Variants in CGNL1 observed in about 807,000 individuals in gnomAD.
CGNL1 encodes the protein cingulin like 1, also known as cingulin-like protein 1.
Under a neutral mutation model 141.2 loss-of-function variants are expected in CGNL1, and 132 were observed. The ratio of observed to expected loss-of-function variants is 0.93; its 90% CI spans 0.81 to 1.08. The LOEUF (loss-of-function observed/expected upper bound fraction) is 1.08. CGNL1 is among the 50% of genes least tolerant of loss of function. The probability of loss-of-function intolerance (pLI) is 0.00; values close to 1 mark genes in which losing one functional copy is unlikely to be tolerated. For synonymous variants in CGNL1, 690 were observed against 622.1 expected (o/e 1.11, Z -1.63); for missense variants, 1,870 against 1,588.6 (o/e 1.18, Z -3.01).
At chr15:57,403,487 C>G (rs2062681974) in intron 1 of CGNL1, among the ~76,000 whole-genome samples, 1 of 152,108 alleles carries the variant, frequency 6.6e-6, no homozygotes, top group African/African-American at 2.4e-5. Context: ...TTTACTGATG[C>G]CAAGGAGTTT....
At chr15:57,453,453 T>A (rs1271702978) in intron 6 of CGNL1, among the ~76,000 whole-genome samples, 2 of 152,132 alleles carry the variant, frequency 1.3e-5, no homozygotes, top group African/African-American at 4.8e-5. Flanking sequence ...CCATACCCAC[T>A]TTGTTGGTTT....
intron 9 of CGNL1, among the ~76,000 whole-genome samples, chr15:57,517,642 T>G (rs775221173): frequency 7.2e-5 from 11 of 152,210 alleles, no homozygotes; most frequent in Non-Finnish European, 1.6e-4. Flanking sequence ...GCCGTCCTTC[T>G]GTGTTGAAGT....
At chr15:57,416,659 T>A (rs2062852870) in intron 1 of CGNL1, among the ~76,000 whole-genome samples, 1 of 152,220 alleles carries the variant, frequency 6.6e-6, no homozygotes, top group Non-Finnish European at 1.5e-5. Flanking sequence ...TTGTCTCTAC[T>A]GCTGGGGTGC....
chr15:57,410,724 A>G (rs1369164572), intron 1 of CGNL1, among the ~76,000 whole-genome samples: 1 of 152,152 alleles, frequency 6.6e-6, no homozygotes, highest in Non-Finnish European at 1.5e-5. Context: ...AAAATGCTAA[A>G]CTTTTGCCTC....
At chr15:57,523,443 A>G (rs1253009276) in intron 10 of CGNL1, 46 bp from the exon 11 acceptor site, 4 of 1,603,116 alleles carry the variant, frequency 2.5e-6, no homozygotes, top group Non-Finnish European at 3.4e-6. Context: ...TCCTGTGGCT[A>G]CCTGGTTAGT....
intron 14 of CGNL1, among the ~76,000 whole-genome samples, chr15:57,537,867 T>G (rs2032346277): frequency 6.6e-6 from 1 of 152,254 alleles, no homozygotes; most frequent in South Asian, 2.1e-4. Flanking sequence ...AAAGTTTTTG[T>G]TTGTGCTATT....
chr15:57,392,964 G>A (rs2062559572), intron 1 of CGNL1, among the ~76,000 whole-genome samples: 1 of 152,224 alleles, frequency 6.6e-6, no homozygotes, highest in Admixed American at 6.5e-5. Context: ...ATTAGTAGAA[G>A]AGTGTGAATA....
intron 4 of CGNL1, among the ~76,000 whole-genome samples, chr15:57,447,445 T>A (rs1455054273): frequency 6.6e-6 from 1 of 152,254 alleles, no homozygotes; most frequent in Admixed American, 6.5e-5. Flanking sequence ...AAGACGTTAT[T>A]CGTCTTTTGA....
In CGNL1 at chr15:57,439,288, T is replaced by C. The variant is rs769785162; in HGVS notation, c.1289T>C (p.Leu430Pro). 3 of 1,614,104 alleles carry C rather than the reference T, an allele frequency of 1.9e-6. No individual in the cohort carries two copies. Among genetic ancestry groups the C allele is most frequent in the African/African-American group, 1.3e-5 (1 of 75,072 alleles). The change falls in exon 2 of 19, where the codon CTG becomes CCG. Residue 430 changes from leucine to proline, a missense_variant. By Grantham distance (98) the Leu-to-Pro change is moderately conservative (BLOSUM62 -3). Transcript: ENST00000281282. The stretch of plus-strand genomic sequence containing the variant: ...TCCCAGGTGTGCCCGCAGCGGCCAC[T>C]GTCTCAGGAGCGCCGTGGGAAACAG... ...RPSQVCPQRP[L>P]SQERRGKQSV...
intron 4 of CGNL1, among the ~76,000 whole-genome samples, chr15:57,447,044 C>T (rs1281295636): frequency 6.6e-6 from 1 of 152,084 alleles, no homozygotes; most frequent in Non-Finnish European, 1.5e-5. Flanking sequence ...TCAGCTTCCA[C>T]CAAGAAAAGC....
chr15:57,410,777 A>T (rs994015177), intron 1 of CGNL1, among the ~76,000 whole-genome samples: 1 of 152,218 alleles, frequency 6.6e-6, no homozygotes, highest in Admixed American at 6.5e-5. Flanking sequence ...CAAATCTTGT[A>T]TTAGTCAGGA....
At chr15:57,497,094 C>T (rs1280373) in intron 8 of CGNL1, among the ~76,000 whole-genome samples, 144,617 of 152,206 alleles carry the variant, frequency 0.95, 69,091 homozygotes, top group Non-Finnish European at 1. Context: ...CTGTGTTTGG[C>T]GGTATGGGGA....
chr15:57,390,125 A>T (rs1014723786), intron 1 of CGNL1, among the ~76,000 whole-genome samples: 2 of 152,182 alleles, frequency 1.3e-5, no homozygotes, highest in Non-Finnish European at 2.9e-5. Flanking sequence ...CCCAGATCCC[A>T]GTTCTTTATG....
chr15:57,523,870 T>C (rs1179957627), intron 11 of CGNL1, among the ~76,000 whole-genome samples: 3 of 152,212 alleles, frequency 2.0e-5, no homozygotes, highest in Non-Finnish European at 2.9e-5. Flanking sequence ...CAGAATCACC[T>C]CTTAACAGTT....
chr15:57,544,199 T>C (rs2032724246), intron 15 of CGNL1, among the ~76,000 whole-genome samples: 1 of 152,208 alleles, frequency 6.6e-6, no homozygotes, highest in South Asian at 2.1e-4. Flanking sequence ...GCAAAGCCCG[T>C]TTGACATCCG....
chr15:57,528,966 T>A (rs572872547), intron 13 of CGNL1, 151 bp downstream of exon 13: 2 of 745,158 alleles, frequency 2.7e-6, no homozygotes, highest in Non-Finnish European at 4.3e-6. Context: ...TATTTCTTGA[T>A]TGAAGGAAGG....
intron 7 of CGNL1, among the ~76,000 whole-genome samples, chr15:57,455,258 AG>A (rs1221857957): frequency 6.6e-6 from 1 of 152,208 alleles, no homozygotes; most frequent in Non-Finnish European, 1.5e-5. Context: ...ATTGTTTCTA[AG>A]AATAAGTTTC....
intron 1 of CGNL1, among the ~76,000 whole-genome samples, chr15:57,427,804 C>T (rs1483781244): frequency 3.9e-5 from 6 of 152,188 alleles, no homozygotes; most frequent in Admixed American, 1.3e-4. Context: ...TTGATAACCC[C>T]AGGGCCTAAT....
intron 1 of CGNL1, among the ~76,000 whole-genome samples, chr15:57,422,938 C>G (rs11853223): frequency 0.1 from 15,916 of 152,048 alleles, 942 homozygotes; most frequent in Middle Eastern, 0.19. Flanking sequence ...TCCCCAAAAG[C>G]CTTTTTGCCT....
Sources: gnomAD v4.1 joint callset for allele counts (sites outside exome capture counted in the v4.1 genomes callset) on GRCh38, gnomAD v4.1.1 for gene constraint, MANE v1.5 for transcripts, NCBI Gene and HGNC (gene_info 2026-07-23, HGNC 2026-07-21) for gene names.